The following DUSP2 variants were observed in gnomAD, a reference collection of about 807,000 sequenced individuals.
The protein encoded by DUSP2 is dual specificity protein phosphatase 2.
A neutral mutation model predicts 23.3 loss-of-function variants in DUSP2; 20 were observed. The ratio of observed to expected loss-of-function variants is 0.86; its 90% confidence interval spans 0.60 to 1.25. DUSP2 has a LOEUF of 1.25. Ranked by LOEUF, DUSP2 falls within the 50% of genes most tolerant of loss-of-function variation. The pLI, the probability that DUSP2 is intolerant of heterozygous loss-of-function variation, is 0.00. For synonymous variants in DUSP2, 231 were observed against 209.7 expected (o/e 1.10, Z -0.88); for missense variants, 435 against 452.6 (o/e 0.96, Z 0.35).
chr2:96,144,744 G>T lies in DUSP2; in HGVS notation c.510+17C>A, dbSNP rs752730372. On this transcript the variant is annotated intron_variant, in intron 2 of 3. Coordinates refer to ENST00000288943, the MANE Select transcript of DUSP2 (RefSeq NM_004418.4). ...CGGGGAGAGAGGGAGGTTCGGGGGA[G>T]GGGGGTCAATACTCACCTGGTCGTA... 5.2e-6 allele frequency: 8 copies of T among 1,543,010 alleles called. No homozygotes were observed. Among genetic ancestry groups the T allele is most frequent in the Middle Eastern group, 1.7e-4 (1 of 5,824 alleles).
In DUSP2 at chr2:96,144,768, T is replaced by C. The variant is rs963808551; in HGVS notation, c.503A>G (p.Tyr168Cys). The change falls in exon 2 of 4, where the codon TAC becomes TGC. Residue 168 changes from tyrosine to cysteine, a missense_variant. Coordinates refer to ENST00000288943, the MANE Select transcript of DUSP2 (RefSeq NM_004418.4). Reference protein sequence around the residue: ...TSRSDSRAPVYDQGGPVEILP... With the variant: ...TSRSDSRAPVCDQGGPVEILP... ...AGGGGGGTCAATACTCACCTGGTCGTAGACAGGAGCCCTGGAGTCGGAGCG... is the reference window on the plus strand; with the variant it reads ...AGGGGGGTCAATACTCACCTGGTCGCAGACAGGAGCCCTGGAGTCGGAGCG... 2 of 1,589,640 alleles carry C rather than the reference T, an allele frequency of 1.3e-6. No individual in the cohort carries two copies. Among genetic ancestry groups the C allele is most frequent in the African/African-American group, 1.3e-5 (1 of 74,590 alleles).
Position 96,145,266 on chromosome 2 carries a change from A to T in DUSP2, c.89T>A (p.Leu30Gln), listed in dbSNP as rs947773232. 5.3e-6 allele frequency: 7 copies of T among 1,321,288 alleles called. No homozygotes were observed. The highest frequency in any genetic ancestry group is 5.8e-6 in the Non-Finnish European group (6 of 1,041,054). The allele number at this position is 1,321,288 out of a possible 1,614,324, so 81.8% of individuals were successfully genotyped here. A position where few individuals can be genotyped will look rare whatever the true frequency, so the allele number is the denominator to read the frequency against. ...GAAGGCCAGGAAGGGGCGGCAGTCC[A>T]GCAGCAGCGTGCGTTCCGCCTCCCG... ...DPREAERTLL[L>Q]DCRPFLAFCR... The change falls in exon 1 of 4, where the codon CTG becomes CAG. Residue 30 changes from leucine to glutamine, a missense_variant. By Grantham distance (113) the Leu-to-Gln change is moderately radical. Transcript: ENST00000288943.
chr2:96,145,059 G>GCCAC lies in DUSP2; in HGVS notation c.292_295dup (p.Ala99GlyfsTer48), dbSNP rs1190486922. On this transcript the variant is annotated frameshift_variant, in exon 1 of 4. Transcript: ENST00000288943. LOFTEE classifies it high-confidence loss of function. Reference sequence around the variant, plus strand: ...AGCCGGGCTGTCGGGCCGGAGCTCCGCCACCGAGGCACTGCCCTCGTCCAG... The same window carrying GCCAC: ...AGCCGGGCTGTCGGGCCGGAGCTCCGCCACCCACCGAGGCACTGCCCTCGTCCAG... 1.3e-6 allele frequency: 2 copies of GCCAC among 1,523,106 alleles called. No individual in the cohort carries two copies. The highest frequency in any genetic ancestry group is 2.8e-5 in the African/African-American group (2 of 71,672). 94.3% of individuals were successfully genotyped at this position (1,523,106 alleles called of 1,614,324 possible).
In DUSP2 at chr2:96,145,178, C is replaced by A; in HGVS notation, c.177G>T (p.Ala59=). ...VPWNALLRRR[A]RGPPAAVLAC... ...CGAGAACGGCGGCAGGAGGGCCGCG[C>A]GCGCGGCGCCGCAGCAGCGCGTTCC... The change falls in exon 1 of 4, where the codon GCG becomes GCT. Residue 59 remains alanine, a synonymous_variant. Transcript: ENST00000288943. 7.8e-7 allele frequency: 1 copy of A among 1,289,144 alleles called. No homozygotes were observed. Among genetic ancestry groups the A allele is most frequent in the Non-Finnish European group, 9.8e-7 (1 of 1,023,602 alleles). 79.9% of individuals were successfully genotyped at this position (1,289,144 alleles called of 1,614,324 possible). A position where few individuals can be genotyped will look rare whatever the true frequency, so the allele number is the denominator to read the frequency against.
rs1234872041 is a variant in DUSP2 at position 96,145,182 on chromosome 2, C to T, written c.173G>A (p.Arg58His). Residue 58 changes from arginine to histidine, a missense_variant, in exon 1 of 4, where the codon CGC becomes CAC. Physicochemically the swap from Arg to His is conservative, Grantham distance 29. Transcript: ENST00000288943. Reference sequence around the variant, plus strand: ...AACGGCGGCAGGAGGGCCGCGCGCGCGGCGCCGCAGCAGCGCGTTCCAAGG... The same window carrying T: ...AACGGCGGCAGGAGGGCCGCGCGCGTGGCGCCGCAGCAGCGCGTTCCAAGG... Reference protein sequence around the residue: ...PVPWNALLRRRARGPPAAVLA... With the variant: ...PVPWNALLRRHARGPPAAVLA... 2 of 1,288,870 alleles carry T rather than the reference C, an allele frequency of 1.6e-6. No homozygotes were observed. The highest frequency in any genetic ancestry group is 3.9e-5 in the Admixed American group (1 of 25,518). 79.8% of individuals were successfully genotyped at this position (1,288,870 alleles called of 1,614,324 possible).
chr2:96,145,305 A>G lies in DUSP2; in HGVS notation c.50T>C (p.Leu17Pro). The G allele has an allele frequency of 1.4e-6, 2 of 1,411,404 alleles. No individual in the cohort carries two copies. The highest frequency in any genetic ancestry group is 1.6e-5 in the South Asian group (1 of 63,114). 87.4% of individuals were successfully genotyped at this position (1,411,404 alleles called of 1,614,324 possible). ...TTCCGCCTCCCGCGGATCCCGCAGC[A>G]GCGTGCCCAGCGCCGCGCACTCCAG... Reference protein sequence around the residue: ...RELECAALGTLLRDPREAERT... With the variant: ...RELECAALGTPLRDPREAERT... Residue 17 changes from leucine (L) to proline (P), a missense_variant, in exon 1 of 4, where the codon CTG (leucine) becomes CCG (proline). Coordinates refer to ENST00000288943, the MANE Select transcript of DUSP2 (RefSeq NM_004418.4).
Position 96,145,178 on chromosome 2 carries a change from CGCGCGGCGCCGCAGCAGCGCG to C in DUSP2, c.156_176del (p.Asn52_Ala59delinsLys). ...CGAGAACGGCGGCAGGAGGGCCGCG[CGCGCGGCGCCGCAGCAGCGCG>C]TTCCAAGGCACTGGCCGCGCGGCGC... is the stretch of plus-strand genomic sequence containing the variant. On this transcript the variant is annotated inframe_deletion, in exon 1 of 4. Coordinates refer to ENST00000288943, the MANE Select transcript of DUSP2 (RefSeq NM_004418.4). 1 of 1,289,144 alleles carries C rather than the reference CGCGCGGCGCCGCAGCAGCGCG, an allele frequency of 7.8e-7. No individual in the cohort carries two copies. Among genetic ancestry groups the C allele is most frequent in the Non-Finnish European group, 9.8e-7 (1 of 1,023,602 alleles). 79.9% of individuals were successfully genotyped at this position (1,289,144 alleles called of 1,614,324 possible).
At position 96,144,283 on chromosome 2, in the gene DUSP2, C is replaced by T; in HGVS notation, c.601G>A (p.Ala201Thr). ...CAGCTGGCGGACACGTTGAGGACGGCTGTGATGCCACAGGCCTGCAGCCCC... is the reference window on the plus strand; with the variant it reads ...CAGCTGGCGGACACGTTGAGGACGGTTGTGATGCCACAGGCCTGCAGCCCC... ...LQGLQACGIT[A>T]VLNVSASCPN... The change falls in exon 3 of 4, where the codon GCC becomes ACC. Residue 201 changes from alanine to threonine, a missense_variant. By Grantham distance (58) the Ala-to-Thr change is moderately conservative (BLOSUM62 0). Coordinates refer to ENST00000288943, the MANE Select transcript of DUSP2 (RefSeq NM_004418.4). 1 of 1,613,886 alleles carries T rather than the reference C, an allele frequency of 6.2e-7. No homozygotes were observed. Among genetic ancestry groups the T allele is most frequent in the South Asian group, 1.1e-5 (1 of 91,084 alleles).
Position 96,144,053 on chromosome 2 carries a change from G to A in DUSP2, c.731-16C>T. The A allele has an allele frequency of 1.2e-6, 2 of 1,613,512 alleles. No homozygotes were observed. Among genetic ancestry groups the A allele is most frequent in the Non-Finnish European group, 8.5e-7 (1 of 1,179,882 alleles). ...TTCACCCAGTCTGCAAGGGAGATGG[G>A]GGAGTGGTGTCAGACGGAATGTGCA... On this transcript the variant is annotated splice_polypyrimidine_tract_variant and intron_variant, in intron 3 of 3. Coordinates refer to ENST00000288943, the MANE Select transcript of DUSP2 (RefSeq NM_004418.4).
chr2:96,145,357 C>G lies in DUSP2; in HGVS notation c.-3G>C. On this transcript the variant is annotated 5_prime_UTR_variant, in exon 1 of 4. Coordinates refer to ENST00000288943, the MANE Select transcript of DUSP2 (RefSeq NM_004418.4). ...TCGCGCGCCGCCTCCAGCCCCATGGCCACCGGTGCCTCTTCCTCTTCCTTT... is the reference window on the plus strand; with the variant it reads ...TCGCGCGCCGCCTCCAGCCCCATGGGCACCGGTGCCTCTTCCTCTTCCTTT... 7.1e-7 allele frequency: 1 copy of G among 1,403,250 alleles called. No individual in the cohort carries two copies. Among genetic ancestry groups the G allele is most frequent in the Non-Finnish European group, 9.3e-7 (1 of 1,080,876 alleles). 86.9% of individuals were successfully genotyped at this position (1,403,250 alleles called of 1,614,324 possible). A position where few individuals can be genotyped will look rare whatever the true frequency, so the allele number is the denominator to read the frequency against.
rs111938402 is a variant in DUSP2, at chr2:96,143,605, C to T, written c.*218G>A. 1,807 of 614,736 alleles carry T rather than the reference C, an allele frequency of 2.9e-3. 9 individuals carry two copies. Among genetic ancestry groups the T allele is most frequent in the Middle Eastern group, 5.4e-3 (12 of 2,236 alleles). 38.1% of individuals were successfully genotyped at this position (614,736 alleles called of 1,614,324 possible). A position where few individuals can be genotyped will look rare whatever the true frequency, so the allele number is the denominator to read the frequency against. On this transcript the variant is annotated 3_prime_UTR_variant, in exon 4 of 4. Coordinates refer to ENST00000288943, the MANE Select transcript of DUSP2 (RefSeq NM_004418.4). ...CAGACACACCCTTGGTTCCCGACCC[C>T]GAATGAGGGCCAGCCTCAGTCCCCC...
At position 96,143,637 on chromosome 2, in the gene DUSP2, A is replaced by G; in HGVS notation, c.*186T>C. On this transcript the variant is annotated 3_prime_UTR_variant, in exon 4 of 4. Transcript: ENST00000288943. ...GGGCCAGCCTCAGTCCCCCAGCAGA[A>G]GAGCACCAGGTCGGAAAGACCAGCA... 2 of 701,486 alleles carry G rather than the reference A, an allele frequency of 2.9e-6. No individual in the cohort carries two copies. The highest frequency in any genetic ancestry group is 4.7e-6 in the Non-Finnish European group (2 of 425,060). 43.5% of individuals were successfully genotyped at this position (701,486 alleles called of 1,614,324 possible).
Position 96,144,165 on chromosome 2 carries a change from A to G in DUSP2, c.719T>C (p.Ile240Thr). 6.2e-7 allele frequency: 1 copy of G among 1,614,062 alleles called. No homozygotes were observed. Among genetic ancestry groups the G allele is most frequent in the Non-Finnish European group, 8.5e-7 (1 of 1,180,016 alleles). The change falls in exon 3 of 4, where the codon ATA becomes ACA. Residue 240 changes from isoleucine (I) to threonine (T), a missense_variant. Ile to Thr is a moderately conservative substitution (Grantham distance 89). Transcript: ENST00000288943. ...VEISAWFQEA[I>T]GFIDWVKNSG... ...AGGTGCCCCCTTACCAATGAAGCCT[A>G]TGGCCTCCTGGAACCAGGCACTGAT...
chr2:96,145,248 A>T lies in DUSP2; in HGVS notation c.107T>A (p.Leu36Gln), dbSNP rs1431597685. The T allele has an allele frequency of 2.3e-6, 3 of 1,285,386 alleles. No individual in the cohort carries two copies. The highest frequency in any genetic ancestry group is 2.9e-6 in the Non-Finnish European group (3 of 1,022,580). The allele number at this position is 1,285,386 out of a possible 1,614,324, so 79.6% of individuals were successfully genotyped here. Reference sequence around the variant, plus strand: ...GCGCACGTGGCGCCGGCAGAAGGCCAGGAAGGGGCGGCAGTCCAGCAGCAG... The same window carrying T: ...GCGCACGTGGCGCCGGCAGAAGGCCTGGAAGGGGCGGCAGTCCAGCAGCAG... ...RTLLLDCRPF[L>Q]AFCRRHVRAA... The change falls in exon 1 of 4, where the codon CTG (leucine) becomes CAG (glutamine). Residue 36 changes from leucine to glutamine, a missense_variant. Transcript: ENST00000288943.
Position 96,145,140 on chromosome 2 carries a change from G to T in DUSP2, c.215C>A (p.Pro72His), listed in dbSNP as rs1174322624. 8.2e-6 allele frequency: 11 copies of T among 1,344,694 alleles called. No homozygotes were observed. The highest frequency in any genetic ancestry group is 1.0e-5 in the Non-Finnish European group (11 of 1,056,650). 83.3% of individuals were successfully genotyped at this position (1,344,694 alleles called of 1,614,324 possible). ...PPAAVLACLLPDRALRTRLVR... is the reference protein window; with the variant it reads ...PPAAVLACLLHDRALRTRLVR... ...CAGGCGCGTCCGCAGCGCGCGGTCG[G>T]GCAGCAGGCAGGCGAGAACGGCGGC... The change falls in exon 1 of 4, where the codon CCC (proline) becomes CAC (histidine). Residue 72 changes from proline (P) to histidine (H), a missense_variant. Transcript: ENST00000288943.
At position 96,143,573 on chromosome 2, in the gene DUSP2, G is replaced by T. The variant is rs994191649; in HGVS notation, c.*250C>A. 3.7e-6 allele frequency: 2 copies of T among 547,934 alleles called. No individual in the cohort carries two copies. The highest frequency in any genetic ancestry group is 3.8e-5 in the African/African-American group (2 of 52,900). 33.9% of individuals were successfully genotyped at this position (547,934 alleles called of 1,614,324 possible). A position where few individuals can be genotyped will look rare whatever the true frequency, so the allele number is the denominator to read the frequency against. ...TGATTTCTGCCAGAGGATGGGGAGG[G>T]AAAGAGCAGACACACCCTTGGTTCC... On this transcript the variant is annotated 3_prime_UTR_variant, in exon 4 of 4. Coordinates refer to ENST00000288943, the MANE Select transcript of DUSP2 (RefSeq NM_004418.4).
chr2:96,145,401 G>A lies in DUSP2; in HGVS notation c.-47C>T. ...TTCCTTTCGGTCTTTCCCGCGTCCC[G>A]GGCTCTCGTGGCGGTGGCGCTGCCC... On this transcript the variant is annotated 5_prime_UTR_variant, in exon 1 of 4. Coordinates refer to ENST00000288943, the MANE Select transcript of DUSP2 (RefSeq NM_004418.4). 7.6e-7 allele frequency: 1 copy of A among 1,322,926 alleles called. No individual in the cohort carries two copies. The highest frequency in any genetic ancestry group is 9.7e-7 in the Non-Finnish European group (1 of 1,035,354). The allele number at this position is 1,322,926 out of a possible 1,614,324, so 81.9% of individuals were successfully genotyped here.
chr2:96,145,338 G>A lies in DUSP2; in HGVS notation c.17C>T (p.Ala6Val). ...CAGCGCCGCGCACTCCAGCTCGCGC[G>A]CCGCCTCCAGCCCCATGGCCACCGG... MGLEAARELECAALGT... is the reference protein window; with the variant it reads MGLEAVRELECAALGT... The change falls in exon 1 of 4, where the codon GCG (alanine) becomes GTG (valine). Residue 6 changes from alanine to valine, a missense_variant. Physicochemically the swap from Ala to Val is moderately conservative, Grantham distance 64. Transcript: ENST00000288943. 1.4e-6 allele frequency: 2 copies of A among 1,420,190 alleles called. No homozygotes were observed. Among genetic ancestry groups the A allele is most frequent in the Non-Finnish European group, 1.8e-6 (2 of 1,089,570 alleles). 88.0% of individuals were successfully genotyped at this position (1,420,190 alleles called of 1,614,324 possible).
At position 96,145,173 on chromosome 2, in the gene DUSP2, CCG is replaced by C. The variant is rs1346002322; in HGVS notation, c.180_181del (p.Gly61ProfsTer84). The C allele has an allele frequency of 3.6e-5, 46 of 1,291,954 alleles. No homozygotes were observed. Among genetic ancestry groups the C allele is most frequent in the South Asian group, 2.2e-4 (9 of 41,680 alleles). The allele number at this position is 1,291,954 out of a possible 1,614,324, so 80.0% of individuals were successfully genotyped here. On this transcript the variant is annotated frameshift_variant, in exon 1 of 4. Coordinates refer to ENST00000288943, the MANE Select transcript of DUSP2 (RefSeq NM_004418.4). LOFTEE classifies it high-confidence loss of function. ...GCAGGCGAGAACGGCGGCAGGAGGG[CCG>C]CGCGCGCGGCGCCGCAGCAGCGCGT...
Sources: allele counts gnomAD v4.1 joint callset, GRCh38; gene constraint gnomAD v4.1.1; transcripts MANE v1.5; gene names NCBI Gene and HGNC (gene_info 2026-07-23, HGNC 2026-07-21).